CACNA2D2: variants seen among roughly 807,000 people sequenced by gnomAD.
CACNA2D2 encodes the protein voltage-dependent calcium channel subunit alpha-2/delta-2.
Under a neutral mutation model 166.4 loss-of-function variants are expected in CACNA2D2, and 48 were observed. The ratio of observed to expected loss-of-function variants is 0.29; its 90% CI spans 0.23 to 0.37. The LOEUF (loss-of-function observed/expected upper bound fraction) is 0.37. Ranked by LOEUF, CACNA2D2 falls within the 10% of genes least tolerant of loss-of-function variation. The probability of loss-of-function intolerance (pLI) is 1.00; values close to 1 mark genes in which losing one functional copy is unlikely to be tolerated. For missense variants in CACNA2D2, 1,122 were observed against 1,433.0 expected (o/e 0.78, Z 3.50); for synonymous variants, 561 against 573.7 (o/e 0.98, Z 0.32).
At chr3:50,394,432 G>C (rs28376155) in intron 3 of CACNA2D2, among the ~76,000 whole-genome samples, 5,331 of 152,272 alleles carry the variant, frequency 0.035, 338 homozygotes, top group African/African-American at 0.12. Context: ...GGGACTCCCT[G>C]TACTAGGCCA....
At position 50,365,724 on chromosome 3, in the gene CACNA2D2, C is replaced by A. The variant is rs377203099; in HGVS notation, c.2916-36G>T. Reference sequence around the variant, plus strand: ...CGGGGAGCCGAGTGCAGGTGGTCAGCAGAGGACGATGCCATGCCCTACTTC... The same window carrying A: ...CGGGGAGCCGAGTGCAGGTGGTCAGAAGAGGACGATGCCATGCCCTACTTC... On this transcript the variant is annotated intron_variant, in intron 33 of 37. Transcript: ENST00000424201. The surrounding 1 kb of genome is among the most constrained non-coding windows in gnomAD (Gnocchi z 4.5). The A allele has an allele frequency of 1.8e-5, 29 of 1,600,218 alleles. No individual in the cohort carries two copies. The African/African-American group carries it at 3.2e-4, about 18-fold the overall frequency.
chr3:50,376,314 GCC>G lies in CACNA2D2; in HGVS notation c.1627-128_1627-127del. 1.0e-6 allele frequency: 1 copy of G among 984,076 alleles called. No individual in the cohort carries two copies. Among genetic ancestry groups the G allele is most frequent in the Non-Finnish European group, 1.5e-6 (1 of 662,140 alleles). 61.0% of individuals were successfully genotyped at this position (984,076 alleles called of 1,614,324 possible). On this transcript the variant is annotated intron_variant, in intron 17 of 37. Transcript: ENST00000424201. This position sits in a 1 kb window ranked among gnomAD's most constrained non-coding sequence, Gnocchi z 4.3. The stretch of plus-strand genomic sequence containing the variant: ...TCTGTTTGCCTGCCTTGGGCTAAGG[GCC>G]CCCCCATGCCACGTGGCCCTAAGCC...
At chr3:50,483,105 T>C (rs1340292860) in intron 1 of CACNA2D2, among the ~76,000 whole-genome samples, 2 of 152,082 alleles carry the variant, frequency 1.3e-5, no homozygotes, top group Non-Finnish European at 2.9e-5. Flanking sequence ...AGAGTAAGGC[T>C]CCCCAGCTAG....
intron 22 of CACNA2D2, chr3:50,373,027 T>G (rs949386680): frequency 1.3e-4 from 185 of 1,392,394 alleles, no homozygotes; most frequent in African/African-American, 1.0e-3. Context: ...ATGGGAGGGG[T>G]GGGAAGAGGA....
Position 50,394,159 on chromosome 3 carries a change from C to T in CACNA2D2, c.415G>A (p.Asp139Asn), listed in dbSNP as rs1270808526. 1 of 1,614,082 alleles carries T rather than the reference C, an allele frequency of 6.2e-7. No individual in the cohort carries two copies. Residue 139 changes from aspartate (D) to asparagine (N), a missense_variant, in exon 4 of 38, where the codon GAT becomes AAT. By Grantham distance (23) the Asp-to-Asn change is conservative. This residue lies in a region of CACNA2D2 where 840 missense variants were observed against 1,166.8 expected (regional missense o/e 0.72). Transcript: ENST00000424201. ...GCTTTCTGGAAGTTCTCTGCAGCAT[C>T]AGCCAGTCTCTGAGGGACAGAGCAC... ...RKVQALKRLA[D>N]AAENFQKAHR...
intron 4 of CACNA2D2, among the ~76,000 whole-genome samples, chr3:50,388,882 C>T (rs1309035389): frequency 2.0e-5 from 3 of 152,252 alleles, no homozygotes; most frequent in Non-Finnish European, 4.4e-5. Flanking sequence ...TTCTGCAACA[C>T]TGACTGCATG....
chr3:50,444,529 C>T (rs1419428881), intron 2 of CACNA2D2, among the ~76,000 whole-genome samples: 1 of 152,190 alleles, frequency 6.6e-6, no homozygotes, highest in Non-Finnish European at 1.5e-5. Context: ...TTCATGGGAC[C>T]GCCTTCCAGG....
At chr3:50,446,631 C>T (rs1342580129) in intron 2 of CACNA2D2, among the ~76,000 whole-genome samples, 1 of 152,252 alleles carries the variant, frequency 6.6e-6, no homozygotes, top group Non-Finnish European at 1.5e-5. Flanking sequence ...GTCTCGGGTT[C>T]ACAAACCCCA....
rs577353735 is a variant in CACNA2D2, at chr3:50,476,559, G to A, written c.207-360C>T. ...GGGACTTCTGGACACCAGGGAGGAG[G>A]GAGACATGAGGGAGCCTCAGGGAGT... On this transcript the variant is annotated intron_variant, in intron 1 of 37. Transcript: ENST00000424201. Among the ~76,000 whole-genome samples, 7 of 152,314 alleles carry A rather than the reference G, an allele frequency of 4.6e-5. No homozygotes were observed. The South Asian group carries it at 1.2e-3, about 27-fold the overall frequency.
At chr3:50,388,318 A>G (rs1453446277) in intron 4 of CACNA2D2, among the ~76,000 whole-genome samples, 1 of 152,238 alleles carries the variant, frequency 6.6e-6, no homozygotes, top group Non-Finnish European at 1.5e-5. Context: ...CGCGGCTGAC[A>G]GAGGCCGCCA....
At chr3:50,397,873 G>A (rs950466431) in intron 3 of CACNA2D2, among the ~76,000 whole-genome samples, 11 of 152,186 alleles carry the variant, frequency 7.2e-5, no homozygotes, top group Non-Finnish European at 1.5e-4. Flanking sequence ...CCTGAGGCAG[G>A]GATCTCCAAG....
chr3:50,458,765 T>C (rs1231090625), intron 2 of CACNA2D2, among the ~76,000 whole-genome samples: 1 of 152,200 alleles, frequency 6.6e-6, no homozygotes, highest in African/African-American at 2.4e-5. Flanking sequence ...ACTATGGTGA[T>C]TGACTTACCA....
chr3:50,456,577 C>T (rs908429124), intron 2 of CACNA2D2, among the ~76,000 whole-genome samples: 2 of 152,164 alleles, frequency 1.3e-5, no homozygotes, highest in South Asian at 2.1e-4. Context: ...TCAGAACGAC[C>T]GTTGTCTCCA....
At chr3:50,403,929 G>A (rs140883883) in intron 3 of CACNA2D2, among the ~76,000 whole-genome samples, 2 of 152,204 alleles carry the variant, frequency 1.3e-5, no homozygotes, top group Non-Finnish European at 2.9e-5. Context: ...TTCCATCACT[G>A]CATGTGCCTG....
chr3:50,385,286 TC>T (rs928026276), intron 5 of CACNA2D2, among the ~76,000 whole-genome samples: 3 of 151,998 alleles, frequency 2.0e-5, no homozygotes, highest in Non-Finnish European at 4.4e-5. Context: ...AGAGCAAAGC[TC>T]GGGGGCTTCC....
At chr3:50,462,566 A>T (rs1709639577) in intron 2 of CACNA2D2, among the ~76,000 whole-genome samples, 1 of 152,104 alleles carries the variant, frequency 6.6e-6, no homozygotes, top group Non-Finnish European at 1.5e-5. Context: ...GTCAACAGTG[A>T]GCCTCACCAT....
In CACNA2D2 at chr3:50,365,270, A is replaced by T; in HGVS notation, c.3098+86T>A. ...TGCGGCCCCGCCCCCGGCCGCTCGG[A>T]GGCCCCGCCCCTTCCATCCTCCCGA... On this transcript the variant is annotated intron_variant, in intron 35 of 37. Coordinates refer to ENST00000424201, the MANE Select transcript of CACNA2D2 (RefSeq NM_006030.4). The surrounding 1 kb of genome is among the most constrained non-coding windows in gnomAD (Gnocchi z 4.5). The T allele has an allele frequency of 9.6e-7, 1 of 1,043,672 alleles. No individual in the cohort carries two copies. Among genetic ancestry groups the T allele is most frequent in the South Asian group, 1.6e-5 (1 of 62,984 alleles). The allele number at this position is 1,043,672 out of a possible 1,614,324, so 64.7% of individuals were successfully genotyped here.
rs1367750051 is a variant in CACNA2D2, at chr3:50,379,808, C to T, written c.910G>A (p.Gly304Ser). The change falls in exon 10 of 38, where the codon GGC (glycine) becomes AGC (serine). Residue 304 changes from glycine to serine, a missense_variant. Around this residue, in one of 2 missense-constraint regions of CACNA2D2, gnomAD observed 840 missense variants for 1,166.8 expected, o/e 0.72. Coordinates refer to ENST00000424201, the MANE Select transcript of CACNA2D2 (RefSeq NM_006030.4). The surrounding 1 kb of genome is among the most constrained non-coding windows in gnomAD (Gnocchi z 6.5). ...IIVDVSGSVS[G>S]LTLKLMKTSV... ...GTCTTCATCAGCTTCAGGGTCAGGC[C>T]GCTCACACTGCCACTCCTGGAGAGG... is the stretch of plus-strand genomic sequence containing the variant. The T allele has an allele frequency of 6.2e-7, 1 of 1,613,890 alleles. No homozygotes were observed. Among genetic ancestry groups the T allele is most frequent in the South Asian group, 1.1e-5 (1 of 91,072 alleles).
rs576718006 is a variant in CACNA2D2, at chr3:50,394,808, C to T, written c.406-640G>A. Among the ~76,000 whole-genome samples, 42 of 152,370 alleles carry T rather than the reference C, an allele frequency of 2.8e-4. 1 individual carries two copies. Among genetic ancestry groups the T allele is most frequent in the African/African-American group, 8.9e-4 (37 of 41,588 alleles). On this transcript the variant is annotated intron_variant, in intron 3 of 37. Transcript: ENST00000424201. ...TCCATCCCACATCTGCCACTGGGCA[C>T]GCTGGGTGCCAGACTGTGCTGACTG... is the stretch of plus-strand genomic sequence containing the variant.
Sources: allele counts gnomAD v4.1 joint callset (sites outside exome capture counted in the v4.1 genomes callset), GRCh38; gene constraint gnomAD v4.1.1; regional missense constraint gnomAD v4.1.1; non-coding constraint Gnocchi (gnomAD v3.1); transcripts MANE v1.5; gene names NCBI Gene and HGNC (gene_info 2026-07-23, HGNC 2026-07-21).